PALS2: variants seen among roughly 807,000 people sequenced by gnomAD.
PALS2 encodes protein associated with LIN7 2, MAGUK p55 family member.
In PALS2, 27 loss-of-function variants were observed where a neutral mutation model predicts 61.6. The ratio of observed to expected loss-of-function variants is 0.44; its 90% CI spans 0.32 to 0.60. The LOEUF is 0.60. Among genes scored for constraint, PALS2 ranks in the 20% least tolerant of loss-of-function variants. PALS2 has a pLI of 0.05. For synonymous variants in PALS2, 236 were observed against 218.6 expected, an observed-to-expected ratio of 1.08 and a Z score of -0.70; for missense variants, 554 against 639.4, an observed-to-expected ratio of 0.87 and a Z score of 1.44.
intron 1 of PALS2, among the ~76,000 whole-genome samples, chr7:24,617,949 AGAG>A (rs1784351646): frequency 6.6e-6 from 1 of 152,230 alleles, no homozygotes; most frequent in African/African-American, 2.4e-5. Flanking sequence ...CATGTCTGCC[AGAG>A]GAGAACCTAC....
chr7:24,589,055 A>C (rs1252605264), intron 1 of PALS2: 1 of 152,168 alleles, frequency 6.6e-6, no homozygotes, highest in Non-Finnish European at 1.5e-5. Context: ...TCAGGATATG[A>C]TTTGTAGATC....
intron 8 of PALS2, among the ~76,000 whole-genome samples, 199 bp downstream of exon 8, chr7:24,666,288 T>G (rs1787011913): frequency 6.6e-6 from 1 of 152,184 alleles, no homozygotes. Flanking sequence ...ATGTGCTTTA[T>G]TTTGTGAGTA....
intron 2 of PALS2, among the ~76,000 whole-genome samples, chr7:24,640,389 G>T (rs1183393808): frequency 6.6e-6 from 1 of 151,844 alleles, no homozygotes; most frequent in East Asian, 1.9e-4. Flanking sequence ...GTTTTATTTG[G>T]ACTCTGAAGG....
Position 24,691,405 on chromosome 7 carries a change from G to GTGTGTGTGTATA in PALS2, c.*3792_*3793insGTGTGTGTATAT, listed in dbSNP as rs1274329385. On this transcript the variant is annotated 3_prime_UTR_variant, in exon 12 of 12. Coordinates refer to ENST00000222644, the MANE Select transcript of PALS2 (RefSeq NM_001303037.2). The stretch of plus-strand genomic sequence containing the variant: ...ATATTATGTATGTGTGTGTGTGTGT[G>GTGTGTGTGTATA]TATATATATATATATATATATATAT... 23 of 110,590 alleles carry GTGTGTGTGTATA rather than the reference G, an allele frequency of 2.1e-4. No individual in the cohort carries two copies. Among genetic ancestry groups the GTGTGTGTGTATA allele is most frequent in the African/African-American group, 6.8e-4 (22 of 32,376 alleles). 6.9% of individuals were successfully genotyped at this position (110,590 alleles called of 1,614,324 possible).
At chr7:24,647,088 A>G (rs943465611) in intron 3 of PALS2, among the ~76,000 whole-genome samples, 7 of 151,154 alleles carry the variant, frequency 4.6e-5, no homozygotes, top group African/African-American at 1.5e-4. Flanking sequence ...ATTTTTTCAA[A>G]AACCCAACTC....
intron 8 of PALS2, 130 bp from the exon 9 acceptor site, chr7:24,668,369 A>G (rs1353504644): frequency 7.5e-6 from 6 of 803,736 alleles, no homozygotes; most frequent in African/African-American, 3.5e-5. Context: ...AAACAAATCT[A>G]TGCTAAGTGG....
chr7:24,599,525 T>TTTTTTTTTTTTTG (rs4000763), intron 1 of PALS2, among the ~76,000 whole-genome samples: 27 of 143,622 alleles, frequency 1.9e-4, no homozygotes, highest in Non-Finnish European at 3.4e-4. Flanking sequence ...TTTTTTTTTT[T>TTTTTTTTTTTTTG]ATGGAGTCTT....
intron 2 of PALS2, among the ~76,000 whole-genome samples, chr7:24,639,780 C>T (rs562116237): frequency 4.0e-5 from 6 of 148,944 alleles, no homozygotes; most frequent in Middle Eastern, 3.5e-3. Context: ...TACAAATTTA[C>T]CCGTTTTCAT....
At chr7:24,586,029 C>A (rs1272962905) in intron 1 of PALS2, among the ~76,000 whole-genome samples, 1 of 152,086 alleles carries the variant, frequency 6.6e-6, no homozygotes, top group East Asian at 1.9e-4. Flanking sequence ...TCACTGAAAG[C>A]AAGTCTGTTT....
intron 5 of PALS2, among the ~76,000 whole-genome samples, chr7:24,654,357 TATG>T (rs777778712): frequency 2.8e-4 from 43 of 152,254 alleles, no homozygotes; most frequent in African/African-American, 9.4e-4. Flanking sequence ...TATTTACAAA[TATG>T]ATCATGTTTT....
At chr7:24,657,306 G>A (rs1583960693) in intron 5 of PALS2, among the ~76,000 whole-genome samples, 1 of 152,182 alleles carries the variant, frequency 6.6e-6, no homozygotes, top group East Asian at 1.9e-4. Context: ...TCAAAAGTTA[G>A]TATAACAACT....
At chr7:24,614,415 C>CT (rs1784219520) in intron 1 of PALS2, among the ~76,000 whole-genome samples, 1 of 151,686 alleles carries the variant, frequency 6.6e-6, no homozygotes, top group East Asian at 1.9e-4. Flanking sequence ...TTAGGCTTTT[C>CT]TTTATTGTAA....
chr7:24,663,433 T>C lies in PALS2; in HGVS notation c.652-157T>C, dbSNP rs368764321. On this transcript the variant is annotated intron_variant, in intron 5 of 11. Transcript: ENST00000222644. Reference sequence around the variant, plus strand: ...CTGATACCAAAATCTGTTAATATTCTAATAACTTGATTTCCATTTATGAGA... The same window carrying C: ...CTGATACCAAAATCTGTTAATATTCCAATAACTTGATTTCCATTTATGAGA... 5 of 634,402 alleles carry C rather than the reference T, an allele frequency of 7.9e-6. No individual in the cohort carries two copies. The African/African-American group carries it at 9.7e-5, about 12-fold the overall frequency. The allele number at this position is 634,402 out of a possible 1,614,324, so 39.3% of individuals were successfully genotyped here.
intron 1 of PALS2, among the ~76,000 whole-genome samples, chr7:24,602,615 A>G (rs114022969): frequency 1.3e-5 from 2 of 152,200 alleles, no homozygotes; most frequent in South Asian, 2.1e-4. Context: ...GGTTTGTATC[A>G]GCATTTAATA....
At chr7:24,666,992 T>C (rs1332748806) in intron 8 of PALS2, 1 of 152,148 alleles carries the variant, frequency 6.6e-6, no homozygotes, top group Non-Finnish European at 1.5e-5. Context: ...GGTAATAAAC[T>C]AAATAGCACA....
intron 1 of PALS2, among the ~76,000 whole-genome samples, chr7:24,594,857 G>T (rs1385974211): frequency 6.6e-6 from 1 of 152,002 alleles, no homozygotes. Context: ...ATCATAACTG[G>T]CATAATAGTA....
At chr7:24,589,915 A>T (rs1261351630) in intron 1 of PALS2, among the ~76,000 whole-genome samples, 1 of 152,160 alleles carries the variant, frequency 6.6e-6, no homozygotes, top group Non-Finnish European at 1.5e-5. Context: ...TTTGCAATGC[A>T]GGATTGTCCT....
Position 24,679,059 on chromosome 7 carries a change from C to T in PALS2, c.1115-72C>T, listed in dbSNP as rs1584002357. On this transcript the variant is annotated intron_variant, in intron 9 of 11. Transcript: ENST00000222644. ...ACCCAGTGGAAAAACGTTAAGCCAC[C>T]CTATGTATTTTAGTCTATTTTTTAT... 5 of 1,376,302 alleles carry T rather than the reference C, an allele frequency of 3.6e-6. No individual in the cohort carries two copies. In the East Asian group the frequency reaches 7.0e-5, roughly 19 times the overall value. 85.3% of individuals were successfully genotyped at this position (1,376,302 alleles called of 1,614,324 possible). A position where few individuals can be genotyped will look rare whatever the true frequency, so the allele number is the denominator to read the frequency against.
At position 24,668,485 on chromosome 7, in the gene PALS2, C is replaced by A. The variant is rs770102706; in HGVS notation, c.953-14C>A. The A allele has an allele frequency of 6.2e-7, 1 of 1,606,136 alleles. No homozygotes were observed. The highest frequency in any genetic ancestry group is 8.5e-7 in the Non-Finnish European group (1 of 1,175,426). ...AAAAGTTGACTTTGTATTCCCATTT[C>A]CTTTTTCATTTAGAATTTGATCGTC... On this transcript the variant is annotated splice_polypyrimidine_tract_variant and intron_variant, in intron 8 of 11. Transcript: ENST00000222644.
Sources: allele counts gnomAD v4.1 joint callset (sites outside exome capture counted in the v4.1 genomes callset), GRCh38; gene constraint gnomAD v4.1.1; transcripts MANE v1.5; gene names NCBI Gene and HGNC (gene_info 2026-07-23, HGNC 2026-07-21).